GPR160: variants seen among roughly 807,000 people sequenced by gnomAD.
GPR160 encodes the protein probable G protein-coupled receptor 160.
A neutral mutation model predicts 2.6 loss-of-function variants in GPR160; 2 were observed. The ratio of observed to expected loss-of-function variants is 0.77; its 90% CI spans 0.32 to 2.44. The LOEUF is 2.44. Ranked by LOEUF, GPR160 falls within the 30% of genes most tolerant of loss-of-function variation. The pLI is 0.11. For missense variants in GPR160, 351 were observed against 383.6 expected, an observed-to-expected ratio of 0.91 and a Z score of 0.71; for synonymous variants, 130 against 132.2, an observed-to-expected ratio of 0.98 and a Z score of 0.12.
At chr3:170,044,503 T>G (rs563872528) in intron 2 of GPR160, among the ~76,000 whole-genome samples, 103 of 152,228 alleles carry the variant, frequency 6.8e-4, no homozygotes, top group Non-Finnish European at 8.5e-4. Flanking sequence ...CCCTGCAGTT[T>G]GACAAGAATG....
intron 2 of GPR160, among the ~76,000 whole-genome samples, chr3:170,046,876 G>A (rs1246419878): frequency 6.6e-6 from 1 of 152,138 alleles, no homozygotes; most frequent in East Asian, 1.9e-4. Flanking sequence ...TCATTTTACT[G>A]TATCAGAGAG....
chr3:170,062,102 T>G (rs1302939807), intron 2 of GPR160: 1 of 152,398 alleles, frequency 6.6e-6, no homozygotes, highest in Admixed American at 6.5e-5. Flanking sequence ...TTATTTTATG[T>G]GTCACTAAAA....
chr3:170,070,331 C>T (rs1304646109), intron 2 of GPR160, among the ~76,000 whole-genome samples: 3 of 152,086 alleles, frequency 2.0e-5, no homozygotes, highest in African/African-American at 7.2e-5. Flanking sequence ...AGTTATTGTC[C>T]TCTTTCTTGA....
At chr3:170,068,953 T>C (rs1371768181) in intron 2 of GPR160, among the ~76,000 whole-genome samples, 2 of 152,264 alleles carry the variant, frequency 1.3e-5, no homozygotes, top group Non-Finnish European at 2.9e-5. Context: ...TATTTCTTCC[T>C]GGGCTGATGC....
intron 2 of GPR160, among the ~76,000 whole-genome samples, chr3:170,064,514 C>CTTTTCTTTT (rs1273500686): frequency 6.2e-5 from 5 of 81,050 alleles, no homozygotes; most frequent in East Asian, 8.3e-4. Context: ...CTTTTCTTTT[C>CTTTTCTTTT]TTTTTTTTTT....
chr3:170,075,076 A>AT (rs1055557984), intron 2 of GPR160, among the ~76,000 whole-genome samples: 2 of 152,028 alleles, frequency 1.3e-5, no homozygotes, highest in African/African-American at 4.8e-5. Context: ...AGAATAACAA[A>AT]AATTAGCCAG....
chr3:170,056,739 C>T (rs962019678), intron 2 of GPR160, among the ~76,000 whole-genome samples: 10 of 152,138 alleles, frequency 6.6e-5, no homozygotes, highest in African/African-American at 1.4e-4. Context: ...GACAGAATCA[C>T]GTGAAGGCTA....
intron 2 of GPR160, among the ~76,000 whole-genome samples, chr3:170,046,975 T>C (rs1037649293): frequency 1.6e-4 from 25 of 152,286 alleles, no homozygotes; most frequent in African/African-American, 5.8e-4. Flanking sequence ...GCTGGGAAGC[T>C]GAAAGCATCC....
chr3:170,075,553 A>C (rs1162487822), intron 2 of GPR160, among the ~76,000 whole-genome samples: 2 of 152,138 alleles, frequency 1.3e-5, no homozygotes, highest in African/African-American at 2.4e-5. Flanking sequence ...ATGGTCACTC[A>C]AGGACCCAGG....
Position 170,085,205 on chromosome 3 carries a change from G to A in GPR160, c.*216G>A. The A allele has an allele frequency of 2.9e-6, 1 of 342,908 alleles. No individual in the cohort carries two copies. Among genetic ancestry groups the A allele is most frequent in the Non-Finnish European group, 5.5e-6 (1 of 183,262 alleles). 21.2% of individuals were successfully genotyped at this position (342,908 alleles called of 1,614,324 possible). ...CCAAGAAGTTTTTATAGTTATTCAG[G>A]GACACTATATTACAAATATTACTTT... is the stretch of plus-strand genomic sequence containing the variant. On this transcript the variant is annotated 3_prime_UTR_variant, in exon 4 of 4. Coordinates refer to ENST00000355897, the MANE Select transcript of GPR160 (RefSeq NM_014373.3).
intron 2 of GPR160, among the ~76,000 whole-genome samples, chr3:170,050,622 C>T (rs986608035): frequency 3.3e-5 from 5 of 152,130 alleles, no homozygotes; most frequent in Admixed American, 1.3e-4. Flanking sequence ...AATCAGTTCC[C>T]ACCTGTAGCC....
intron 2 of GPR160, among the ~76,000 whole-genome samples, chr3:170,042,665 C>G (rs893487911): frequency 1.9e-5 from 2 of 104,230 alleles, no homozygotes; most frequent in Admixed American, 2.1e-4. Context: ...CCCATCTCTA[C>G]AAAAAAAAAA....
chr3:170,062,843 T>C, intron 2 of GPR160: 1 of 520,388 alleles, frequency 1.9e-6, no homozygotes, highest in Non-Finnish European at 3.5e-6. Flanking sequence ...AAAGAAGGAG[T>C]GAAGACTGAC....
chr3:170,073,776 G>T (rs1217632264), intron 2 of GPR160, among the ~76,000 whole-genome samples: 1 of 151,684 alleles, frequency 6.6e-6, no homozygotes, highest in African/African-American at 2.4e-5. Context: ...TTTAAGTTTG[G>T]TATTTTTTCC....
intron 2 of GPR160, among the ~76,000 whole-genome samples, chr3:170,047,955 A>G (rs985912364): frequency 6.7e-6 from 1 of 148,848 alleles, no homozygotes; most frequent in Non-Finnish European, 1.5e-5. Flanking sequence ...CTCCCACCTC[A>G]GCCTCCCGAG....
intron 2 of GPR160, among the ~76,000 whole-genome samples, chr3:170,066,674 C>G (rs1281508923): frequency 6.6e-6 from 1 of 152,138 alleles, no homozygotes; most frequent in Non-Finnish European, 1.5e-5. Flanking sequence ...AATGTAGTTT[C>G]CAGTCTTTTG....
At chr3:170,046,263 T>C (rs778143071) in intron 2 of GPR160, among the ~76,000 whole-genome samples, 7 of 152,158 alleles carry the variant, frequency 4.6e-5, no homozygotes, top group Non-Finnish European at 8.8e-5. Flanking sequence ...GCTTTGGAAT[T>C]GATGAGAACT....
intron 2 of GPR160, among the ~76,000 whole-genome samples, chr3:170,054,797 C>CT (rs200685228): frequency 0.016 from 2,330 of 143,206 alleles, 39 homozygotes; most frequent in African/African-American, 0.041. Flanking sequence ...AATTTCTTTT[C>CT]TTTTTTTTTT....
intron 2 of GPR160, among the ~76,000 whole-genome samples, chr3:170,064,098 T>G (rs1386479501): frequency 1.1e-4 from 16 of 146,880 alleles, no homozygotes; most frequent in African/African-American, 3.7e-4. Flanking sequence ...CTGTATTTTT[T>G]TGGGGGGGGC....
Sources: allele counts gnomAD v4.1 joint callset (sites outside exome capture counted in the v4.1 genomes callset), GRCh38; gene constraint gnomAD v4.1.1; transcripts MANE v1.5; gene names NCBI Gene and HGNC (gene_info 2026-07-23, HGNC 2026-07-21).